Variants in KCNJ16 observed in about 807,000 individuals in gnomAD.
The protein encoded by KCNJ16 is potassium inwardly rectifying channel subfamily J member 16.
A neutral mutation model predicts 18.5 loss-of-function variants in KCNJ16; 15 were observed. The observed-to-expected ratio is 0.81, with a 90% confidence interval of 0.54 to 1.25. The LOEUF (loss-of-function observed/expected upper bound fraction) is 1.25. Ranked by LOEUF, KCNJ16 falls within the 50% of genes most tolerant of loss-of-function variation. The pLI, the probability that KCNJ16 is intolerant of heterozygous loss-of-function variation, is 0.00. For missense variants in KCNJ16, 523 were observed against 525.7 expected (o/e 0.99, Z 0.05); for synonymous variants, 174 against 186.5 (o/e 0.93, Z 0.55).
intron 2 of KCNJ16, among the ~76,000 whole-genome samples, chr17:70,125,875 T>C (rs185082234): frequency 4.8e-4 from 72 of 151,504 alleles, no homozygotes; most frequent in African/African-American, 1.7e-3. Context: ...GAGGTTGCAG[T>C]GAGCCGAGAT....
intron 2 of KCNJ16, among the ~76,000 whole-genome samples, chr17:70,130,397 A>G (rs1056757556): frequency 1.3e-5 from 2 of 152,162 alleles, no homozygotes; most frequent in African/African-American, 4.8e-5. Flanking sequence ...GACAAACGAG[A>G]GGATGTAACA....
At chr17:70,106,004 T>G (rs926747502) in intron 2 of KCNJ16, among the ~76,000 whole-genome samples, 10 of 152,214 alleles carry the variant, frequency 6.6e-5, no homozygotes, top group Non-Finnish European at 1.0e-4. Flanking sequence ...AGAATTCAGA[T>G]GGAGTGCGGG....
chr17:70,131,296 G>A, intron 3 of KCNJ16: 2 of 1,135,944 alleles, frequency 1.8e-6, no homozygotes, highest in Non-Finnish European at 2.2e-6. Context: ...TTACCTGGGA[G>A]TAGTTTTAGG....
intron 2 of KCNJ16, among the ~76,000 whole-genome samples, chr17:70,126,913 A>G (rs1483074302): frequency 1.3e-5 from 2 of 152,180 alleles, no homozygotes; most frequent in South Asian, 4.1e-4. Flanking sequence ...TTATAATCAG[A>G]TGTAGATACT....
intron 3 of KCNJ16, chr17:70,131,396 T>G: frequency 9.8e-7 from 1 of 1,022,008 alleles, no homozygotes; most frequent in South Asian, 4.0e-5. Context: ...TGTGAAGTAG[T>G]ACTCCTGTCA....
In KCNJ16 at chr17:70,132,914, T is replaced by G. The variant is rs1262640023; in HGVS notation, c.827T>G (p.Phe276Cys). The change falls in exon 4 of 4, where the codon TTT becomes TGT. Residue 276 changes from phenylalanine to cysteine, a missense_variant. Transcript: ENST00000392671. The stretch of plus-strand genomic sequence containing the variant: ...CGCAAAGCAGTAGCCAAAGATAACT[T>G]TGAGATTTTGGTGACATTTATCTAT... ...LDRKAVAKDN[F>C]EILVTFIYTG... 6.2e-7 allele frequency: 1 copy of G among 1,614,130 alleles called. No individual in the cohort carries two copies. Among genetic ancestry groups the G allele is most frequent in the Non-Finnish European group, 8.5e-7 (1 of 1,180,014 alleles).
chr17:70,098,526 T>A (rs908513614), intron 1 of KCNJ16, among the ~76,000 whole-genome samples: 4 of 151,580 alleles, frequency 2.6e-5, no homozygotes, highest in Non-Finnish European at 5.9e-5. Flanking sequence ...TTCTTTCTTT[T>A]CCCTTTGATT....
rs114842237 is a variant in KCNJ16 at position 70,110,462 on chromosome 17, C to T, written c.-191+9696C>T. Reference sequence around the variant, plus strand: ...TCTCAGGTCAGGAACCAGACTTACACACCTACACACTTCGTGCGCGCACAC... The same window carrying T: ...TCTCAGGTCAGGAACCAGACTTACATACCTACACACTTCGTGCGCGCACAC... On this transcript the variant is annotated intron_variant, in intron 2 of 3. Transcript: ENST00000392671. Among the ~76,000 whole-genome samples the T allele has an allele frequency of 3.2e-3, 460 of 143,814 alleles. 3 individuals are homozygous for T. The highest frequency in any genetic ancestry group is 0.011 in the African/African-American group (438 of 39,402). 94.3% of individuals were successfully genotyped at this position (143,814 alleles called of 152,430 possible).
intron 2 of KCNJ16, among the ~76,000 whole-genome samples, chr17:70,124,595 A>G (rs1422777042): frequency 6.6e-6 from 1 of 152,142 alleles, no homozygotes; most frequent in Non-Finnish European, 1.5e-5. Flanking sequence ...TTCTTTGCCA[A>G]CCCAGATCCA....
rs143625190 is a variant in KCNJ16, at chr17:70,103,386, C to T, written c.-191+2620C>T. Among the ~76,000 whole-genome samples, 682 of 145,138 alleles carry T rather than the reference C, an allele frequency of 4.7e-3. 4 individuals are homozygous for T. Among genetic ancestry groups the T allele is most frequent in the Non-Finnish European group, 7.5e-3 (494 of 66,308 alleles). ...CTCACTATTTTGCCCAGGCTGGTCA[C>T]GAACTCCTGGGCTCAAGCAATCCTC... On this transcript the variant is annotated intron_variant, in intron 2 of 3. Coordinates refer to ENST00000392671, the MANE Select transcript of KCNJ16 (RefSeq NM_170741.4).
chr17:70,125,490 G>A (rs1210242308), intron 2 of KCNJ16, among the ~76,000 whole-genome samples: 1 of 152,146 alleles, frequency 6.6e-6, no homozygotes, highest in East Asian at 1.9e-4. Context: ...CAAGTGTTCT[G>A]ATATTCTACA....
intron 1 of KCNJ16, among the ~76,000 whole-genome samples, chr17:70,094,672 G>T (rs530042622): frequency 1.3e-5 from 2 of 152,256 alleles, no homozygotes; most frequent in East Asian, 1.9e-4. Context: ...CAAATTCGAG[G>T]TGGTAGATTT....
chr17:70,122,191 GAGA>G lies in KCNJ16; in HGVS notation c.-190-8685_-190-8683del, dbSNP rs565073527. On this transcript the variant is annotated intron_variant, in intron 2 of 3. Coordinates refer to ENST00000392671, the MANE Select transcript of KCNJ16 (RefSeq NM_170741.4). ...ATATCGGATACTTTTTTTTTTTTTT[GAGA>G]AGGAGTCTTGCTGTGTTACCCAGGC... Among the ~76,000 whole-genome samples, 271 of 134,850 alleles carry G rather than the reference GAGA, an allele frequency of 2.0e-3. 2 individuals carry two copies. The highest frequency in any genetic ancestry group is 3.7e-3 in the Non-Finnish European group (238 of 63,472). The allele number at this position is 134,850 out of a possible 152,430, so 88.5% of individuals were successfully genotyped here. A position where few individuals can be genotyped will look rare whatever the true frequency, so the allele number is the denominator to read the frequency against.
intron 1 of KCNJ16, among the ~76,000 whole-genome samples, chr17:70,079,082 G>A (rs527333946): frequency 6.6e-6 from 1 of 152,156 alleles, no homozygotes; most frequent in South Asian, 2.1e-4. Flanking sequence ...AGAGCAAGAG[G>A]GAGAAAAACA....
chr17:70,099,275 C>T (rs559314575), intron 1 of KCNJ16, among the ~76,000 whole-genome samples: 2 of 152,164 alleles, frequency 1.3e-5, no homozygotes, highest in Non-Finnish European at 2.9e-5. Flanking sequence ...GGAGATTTTT[C>T]ACTGCAAGAA....
At chr17:70,083,114 G>C (rs1283179859) in intron 1 of KCNJ16, among the ~76,000 whole-genome samples, 1 of 151,168 alleles carries the variant, frequency 6.6e-6, no homozygotes, top group African/African-American at 2.4e-5. Flanking sequence ...GAGTGCAGTG[G>C]CACGATCTCA....
chr17:70,117,112 TAC>T (rs1200169907), intron 2 of KCNJ16, among the ~76,000 whole-genome samples: 1 of 152,162 alleles, frequency 6.6e-6, no homozygotes, highest in Non-Finnish European at 1.5e-5. Flanking sequence ...TATGGAATAC[TAC>T]ACAGCCATAA....
At chr17:70,114,716 C>T (rs142990128) in intron 2 of KCNJ16, among the ~76,000 whole-genome samples, 6 of 152,208 alleles carry the variant, frequency 3.9e-5, no homozygotes, top group Admixed American at 1.3e-4. Context: ...CAATTAGATG[C>T]TAAAACAGAA....
intron 1 of KCNJ16, among the ~76,000 whole-genome samples, chr17:70,083,450 G>C (rs918958830): frequency 6.6e-6 from 1 of 151,688 alleles, no homozygotes; most frequent in Non-Finnish European, 1.5e-5. Flanking sequence ...ATATATGATG[G>C]TGGTCTCAAA....
Sources: allele counts gnomAD v4.1 joint callset (sites outside exome capture counted in the v4.1 genomes callset), GRCh38; gene constraint gnomAD v4.1.1; transcripts MANE v1.5; gene names NCBI Gene and HGNC (gene_info 2026-07-23, HGNC 2026-07-21).